PLCB1: variants seen among roughly 807,000 people sequenced by gnomAD.
The protein encoded by PLCB1 is 1-phosphatidylinositol 4,5-bisphosphate phosphodiesterase beta-1.
Under a neutral mutation model 161.8 loss-of-function variants are expected in PLCB1, and 46 were observed. That is an observed-to-expected ratio of 0.28 (90% confidence interval 0.22 to 0.36). The LOEUF (loss-of-function observed/expected upper bound fraction) is 0.36, where lower values mean the gene tolerates loss of function less well. Ranked by LOEUF, PLCB1 falls within the 10% of genes least tolerant of loss-of-function variation. The pLI is 1.00. For synonymous variants in PLCB1, 517 were observed against 503.7 expected (o/e 1.03, Z -0.35); for missense variants, 1,016 against 1,472.5 (o/e 0.69, Z 5.07).
rs116154939 is a variant in PLCB1 at position 8,757,508 on chromosome 20, G to A, written c.2656+330G>A. On this transcript the variant is annotated intron_variant, in intron 24 of 31. Coordinates refer to ENST00000338037, the MANE Select transcript of PLCB1 (RefSeq NM_015192.4). ...GCTTATAAACAACCATGCCTTAGAA[G>A]TGCATTCTTAGTCTTGCTTCATTAA... Among the ~76,000 whole-genome samples, 1,370 of 152,304 alleles carry A rather than the reference G, an allele frequency of 9.0e-3. 16 individuals are homozygous for A. Among genetic ancestry groups the A allele is most frequent in the African/African-American group, 0.031 (1,269 of 41,562 alleles).
intron 3 of PLCB1, among the ~76,000 whole-genome samples, chr20:8,519,667 A>G (rs1984275232): frequency 6.6e-6 from 1 of 152,170 alleles, no homozygotes; most frequent in Non-Finnish European, 1.5e-5. Flanking sequence ...AGAACTCTAT[A>G]TTCTTACTTG....
At chr20:8,470,244 T>G (rs1981993295) in intron 3 of PLCB1, among the ~76,000 whole-genome samples, 1 of 152,182 alleles carries the variant, frequency 6.6e-6, no homozygotes, top group African/African-American at 2.4e-5. Context: ...GTACAAGCTT[T>G]TGTGAGGACA....
chr20:8,523,496 C>CTCTCTCTCTCTCTCTATA, intron 3 of PLCB1, among the ~76,000 whole-genome samples: 28 of 51,646 alleles, frequency 5.4e-4, no homozygotes, highest in East Asian at 1.2e-3. Context: ...CTCTCTCTCT[C>CTCTCTCTCTCTCTCTATA]TATATATATA....
intron 2 of PLCB1, among the ~76,000 whole-genome samples, chr20:8,370,235 G>A (rs1986863297): frequency 6.6e-6 from 1 of 152,188 alleles, no homozygotes; most frequent in South Asian, 2.1e-4. Context: ...GTCTAATGCA[G>A]CAACCTGTGT....
At chr20:8,430,962 A>G (rs1980013639) in intron 3 of PLCB1, among the ~76,000 whole-genome samples, 1 of 152,172 alleles carries the variant, frequency 6.6e-6, no homozygotes, top group Non-Finnish European at 1.5e-5. Flanking sequence ...ATGTCTCAAA[A>G]AAAAGAAGAA....
At chr20:8,159,819 C>G (rs1042011163) in intron 2 of PLCB1, among the ~76,000 whole-genome samples, 1 of 151,640 alleles carries the variant, frequency 6.6e-6, no homozygotes, top group Admixed American at 6.6e-5. Flanking sequence ...GAAACCCCAT[C>G]TCTACTAAAA....
At chr20:8,198,969 C>T (rs976015025) in intron 2 of PLCB1, among the ~76,000 whole-genome samples, 2 of 151,936 alleles carry the variant, frequency 1.3e-5, no homozygotes, top group Non-Finnish European at 2.9e-5. Context: ...CACACACACA[C>T]ACGGACCCAT....
At chr20:8,836,515 A>T (rs1014016891) in intron 31 of PLCB1, among the ~76,000 whole-genome samples, 2 of 79,196 alleles carry the variant, frequency 2.5e-5, no homozygotes, top group African/African-American at 6.6e-5. Flanking sequence ...AATTTTTAGG[A>T]TGAGTTTCCT....
chr20:8,612,761 A>T (rs907682329), intron 3 of PLCB1, among the ~76,000 whole-genome samples: 1 of 152,180 alleles, frequency 6.6e-6, no homozygotes, highest in African/African-American at 2.4e-5. Context: ...AACCTAATTA[A>T]TGACACAGCC....
At chr20:8,868,763 C>A (rs1332129386) in intron 31 of PLCB1, among the ~76,000 whole-genome samples, 3 of 152,170 alleles carry the variant, frequency 2.0e-5, no homozygotes, top group Non-Finnish European at 2.9e-5. Flanking sequence ...TCCCAGGCAG[C>A]TGGGGCTACA....
In PLCB1 at chr20:8,523,491, T is replaced by C. The variant is rs1026580474; in HGVS notation, c.247-104803T>C. ...CTCTCTCTCTCTCTCTCTCTCTCTC[T>C]CTCTCTATATATATATATATATATA... is the stretch of plus-strand genomic sequence containing the variant. On this transcript the variant is annotated intron_variant, in intron 3 of 31. Transcript: ENST00000338037. Among the ~76,000 whole-genome samples the C allele has an allele frequency of 4.2e-3, 159 of 38,248 alleles. 15 individuals carry two copies. The highest frequency in any genetic ancestry group is 7.8e-3 in the African/African-American group (54 of 6,954). The allele number at this position is 38,248 out of a possible 152,430, so 25.1% of individuals were successfully genotyped here.
At chr20:8,503,174 T>C (rs759676914) in intron 3 of PLCB1, among the ~76,000 whole-genome samples, 1 of 152,004 alleles carries the variant, frequency 6.6e-6, no homozygotes, top group African/African-American at 2.4e-5. Context: ...CCAGTAGGAG[T>C]AGAATACTAG....
chr20:8,611,160 T>C (rs1987894062), intron 3 of PLCB1, among the ~76,000 whole-genome samples: 1 of 151,962 alleles, frequency 6.6e-6, no homozygotes, highest in Middle Eastern at 3.4e-3. Flanking sequence ...GGGATAGAGG[T>C]TGACACCTAT....
At chr20:8,641,182 G>C (rs953131263) in intron 4 of PLCB1, among the ~76,000 whole-genome samples, 9 of 152,154 alleles carry the variant, frequency 5.9e-5, no homozygotes, top group African/African-American at 1.9e-4. Context: ...TGGAGAGCTT[G>C]CTAGTCCCAT....
At chr20:8,825,706 T>A (rs1985661223) in intron 31 of PLCB1, among the ~76,000 whole-genome samples, 1 of 152,186 alleles carries the variant, frequency 6.6e-6, no homozygotes, top group Non-Finnish European at 1.5e-5. Flanking sequence ...GATTTAGACT[T>A]TGAAAATATT....
In PLCB1 at chr20:8,195,938, G is replaced by A. The variant is rs190603692; in HGVS notation, c.177+45567G>A. ...AGAGGTTTAATTGGCTCACAGTTCT[G>A]CTTGGCTGGGGAGGCCTCTGGAAAC... On this transcript the variant is annotated intron_variant, in intron 2 of 31. Transcript: ENST00000338037. Among the ~76,000 whole-genome samples, 255 of 152,156 alleles carry A rather than the reference G, an allele frequency of 1.7e-3. 2 individuals carry two copies. Among genetic ancestry groups the A allele is most frequent in the Non-Finnish European group, 3.2e-3 (216 of 67,982 alleles).
chr20:8,476,762 G>A (rs1410508233), intron 3 of PLCB1, among the ~76,000 whole-genome samples: 1 of 152,080 alleles, frequency 6.6e-6, no homozygotes, highest in Non-Finnish European at 1.5e-5. Flanking sequence ...GAATAGACGG[G>A]CCTTGGAATA....
chr20:8,368,873 C>A (rs367879109), intron 2 of PLCB1, among the ~76,000 whole-genome samples: 2 of 150,106 alleles, frequency 1.3e-5, no homozygotes, highest in East Asian at 2.0e-4. Flanking sequence ...CACCCTCCCA[C>A]CCCGATCACA....
chr20:8,469,197 G>C (rs986354923), intron 3 of PLCB1, among the ~76,000 whole-genome samples: 1 of 152,134 alleles, frequency 6.6e-6, no homozygotes, highest in Non-Finnish European at 1.5e-5. Flanking sequence ...TGAAATAATA[G>C]AAGCCTCCCT....
Sources: gnomAD v4.1 joint callset for allele counts (sites outside exome capture counted in the v4.1 genomes callset) on GRCh38, gnomAD v4.1.1 for gene constraint, MANE v1.5 for transcripts, NCBI Gene and HGNC (gene_info 2026-07-23, HGNC 2026-07-21) for gene names.